The following PPHLN1 variants were observed in gnomAD, a reference collection of about 807,000 sequenced individuals.
The protein encoded by PPHLN1 is periphilin 1.
Under a neutral mutation model 51.3 loss-of-function variants are expected in PPHLN1, and 29 were observed. The observed-to-expected ratio is 0.57, with a 90% CI of 0.42 to 0.77. PPHLN1 has a LOEUF of 0.77. PPHLN1 is among the 30% of genes least tolerant of loss of function. The pLI is 0.00. For synonymous variants in PPHLN1, 147 were observed against 147.8 expected (o/e 0.99, Z 0.04); for missense variants, 436 against 438.4 (o/e 0.99, Z 0.05).
At chr12:42,334,672 G>A (rs928286964) in intron 1 of PPHLN1, among the ~76,000 whole-genome samples, 2 of 152,098 alleles carry the variant, frequency 1.3e-5, no homozygotes, top group African/African-American at 4.8e-5. Flanking sequence ...TACTTTCTGT[G>A]TACTGAAAGG....
intron 9 of PPHLN1, among the ~76,000 whole-genome samples, chr12:42,416,471 C>T (rs1326237496): frequency 6.6e-6 from 1 of 152,210 alleles, no homozygotes; most frequent in African/African-American, 2.4e-5. Flanking sequence ...GCCCTTACTT[C>T]AGACTTCAGC....
intron 9 of PPHLN1, among the ~76,000 whole-genome samples, chr12:42,425,759 A>G (rs1013929552): frequency 6.6e-6 from 1 of 152,192 alleles, no homozygotes; most frequent in Non-Finnish European, 1.5e-5. Flanking sequence ...AAAACACAGG[A>G]AGCAAGGGAC....
chr12:42,445,278 T>G (rs924977342), downstream of PPHLN1: 13 of 595,614 alleles, frequency 2.2e-5, no homozygotes, highest in Non-Finnish European at 3.3e-5. Flanking sequence ...CCACCAAAAT[T>G]AGAGAAACTT....
intron 9 of PPHLN1, among the ~76,000 whole-genome samples, chr12:42,400,731 G>T (rs540120015): frequency 6.6e-6 from 1 of 151,542 alleles, no homozygotes; most frequent in African/African-American, 2.4e-5. Flanking sequence ...AAACTTGATT[G>T]AAATAACAGG....
chr12:42,386,042 T>C (rs535235842), intron 6 of PPHLN1, among the ~76,000 whole-genome samples: 2 of 152,346 alleles, frequency 1.3e-5, no homozygotes, highest in African/African-American at 4.8e-5. Flanking sequence ...GAAAGCCTCT[T>C]GTAGTACCAC....
chr12:42,401,697 G>T (rs539441879), intron 9 of PPHLN1, among the ~76,000 whole-genome samples: 8 of 152,222 alleles, frequency 5.3e-5, no homozygotes, highest in African/African-American at 1.9e-4. Context: ...ACTGGTCCCT[G>T]TTGCCAAAAA....
chr12:42,386,581 G>A (rs1257918537), intron 6 of PPHLN1, among the ~76,000 whole-genome samples: 1 of 152,136 alleles, frequency 6.6e-6, no homozygotes, highest in Non-Finnish European at 1.5e-5. Context: ...CAGCTTCTGT[G>A]TGACTCCAAA....
At chr12:42,355,259 A>G in intron 4 of PPHLN1, 37 bp downstream of exon 4, 1 of 1,538,626 alleles carries the variant, frequency 6.5e-7, no homozygotes, top group South Asian at 1.1e-5. Flanking sequence ...GTACTTTGAT[A>G]CTTGACTCAC....
intron 2 of PPHLN1, among the ~76,000 whole-genome samples, chr12:42,350,996 CGGGAGA>C (rs1224855603): frequency 4.8e-5 from 7 of 145,432 alleles, no homozygotes; most frequent in Admixed American, 4.1e-4. Context: ...CCATGGCAAG[CGGGAGA>C]GGGAGAGGGG....
At chr12:42,337,859 C>G (rs1041449027) in intron 2 of PPHLN1, among the ~76,000 whole-genome samples, 1 of 151,826 alleles carries the variant, frequency 6.6e-6, no homozygotes, top group Non-Finnish European at 1.5e-5. Flanking sequence ...TCTTGGCTCA[C>G]TGCAACCTCT....
At chr12:42,420,331 T>A (rs1177722716) in intron 9 of PPHLN1, among the ~76,000 whole-genome samples, 2 of 152,034 alleles carry the variant, frequency 1.3e-5, no homozygotes, top group African/African-American at 4.8e-5. Flanking sequence ...TACTTTTTTT[T>A]TTGAAAAAGA....
chr12:42,397,953 A>G (rs557476291), intron 8 of PPHLN1, among the ~76,000 whole-genome samples: 2 of 147,110 alleles, frequency 1.4e-5, no homozygotes, highest in African/African-American at 5.0e-5. Flanking sequence ...TGATCTCTTG[A>G]CCTCGTGATC....
chr12:42,415,480 C>T (rs1796374), intron 9 of PPHLN1, among the ~76,000 whole-genome samples: 45,964 of 152,146 alleles, frequency 0.3, 7,892 homozygotes, highest in Non-Finnish European at 0.38. Flanking sequence ...CAAAACCTGT[C>T]ATTTTCTTTG....
rs954005413 is a variant in PPHLN1, at chr12:42,400,387, G to A, written c.909+1393G>A. ...GGAGGCTGAGGCAGGAGAATGGCGT[G>A]AACCCGGGAGGCGGAGCTTGCAGTG... On this transcript the variant is annotated intron_variant, in intron 9 of 9. Transcript: ENST00000358314. The A allele has an allele frequency of 3.5e-3, 516 of 146,136 alleles. 5 individuals are homozygous for A. Among genetic ancestry groups the A allele is most frequent in the African/African-American group, 0.013 (500 of 39,680 alleles). The allele number at this position is 146,136 out of a possible 1,614,324, so 9.1% of individuals were successfully genotyped here. A position where few individuals can be genotyped will look rare whatever the true frequency, so the allele number is the denominator to read the frequency against.
At chr12:42,366,517 A>G (rs756217037) in intron 4 of PPHLN1, among the ~76,000 whole-genome samples, 2 of 150,260 alleles carry the variant, frequency 1.3e-5, no homozygotes, top group African/African-American at 2.4e-5. Context: ...GTGAGCCTGC[A>G]CCTGGCCTTT....
At chr12:42,332,980 T>G (rs780562943) in intron 1 of PPHLN1, among the ~76,000 whole-genome samples, 1 of 152,190 alleles carries the variant, frequency 6.6e-6, no homozygotes, top group Admixed American at 6.5e-5. Flanking sequence ...TACATAATAG[T>G]ATATATACAT....
intron 1 of PPHLN1, among the ~76,000 whole-genome samples, chr12:42,335,538 A>C (rs1340140692): frequency 6.6e-6 from 1 of 152,172 alleles, no homozygotes; most frequent in African/African-American, 2.4e-5. Flanking sequence ...GATTCATTAA[A>C]AAATGAATCG....
At chr12:42,434,273 G>C (rs2082293015) in intron 9 of PPHLN1, among the ~76,000 whole-genome samples, 1 of 152,194 alleles carries the variant, frequency 6.6e-6, no homozygotes, top group Non-Finnish European at 1.5e-5. Context: ...CACACACTGG[G>C]GCCTGTTGGA....
At chr12:42,339,263 T>C (rs1016927270) in intron 2 of PPHLN1, among the ~76,000 whole-genome samples, 4 of 152,216 alleles carry the variant, frequency 2.6e-5, no homozygotes, top group African/African-American at 9.6e-5. Context: ...CTCCTTTTTC[T>C]TCAATTCCAT....
Sources: allele counts gnomAD v4.1 joint callset (sites outside exome capture counted in the v4.1 genomes callset), GRCh38; gene constraint gnomAD v4.1.1; transcripts MANE v1.5; gene names NCBI Gene and HGNC (gene_info 2026-07-23, HGNC 2026-07-21).